NFIA: variants seen among roughly 807,000 people sequenced by gnomAD.
The protein encoded by NFIA is nuclear factor I A.
In NFIA, 8 loss-of-function variants were observed where a neutral mutation model predicts 62.8. The observed-to-expected ratio is 0.13, with a 90% CI of 0.07 to 0.23. The LOEUF is 0.23. Among genes scored for constraint, NFIA ranks in the 10% least tolerant of loss-of-function variants. The pLI, the probability that NFIA is intolerant of heterozygous loss-of-function variation, is 1.00. For synonymous variants in NFIA, 235 were observed against 238.1 expected (o/e 0.99, Z 0.12); for missense variants, 410 against 642.1 (o/e 0.64, Z 3.91).
At chr1:61,181,501 A>T (rs1322307347) in intron 2 of NFIA, among the ~76,000 whole-genome samples, 5 of 152,246 alleles carry the variant, frequency 3.3e-5, no homozygotes, top group South Asian at 4.1e-4. Flanking sequence ...AGTCTGTAAG[A>T]TGGAATTACT....
chr1:61,208,198 A>G (rs1653020999), intron 2 of NFIA, among the ~76,000 whole-genome samples: 1 of 152,104 alleles, frequency 6.6e-6, no homozygotes, highest in African/African-American at 2.4e-5. Context: ...TCCTGTTCAC[A>G]TTATGATTGA....
intron 6 of NFIA, among the ~76,000 whole-genome samples, chr1:61,378,273 C>T (rs914722148): frequency 5.9e-5 from 9 of 152,190 alleles, no homozygotes; most frequent in African/African-American, 9.6e-5. Flanking sequence ...GTCACTCAAT[C>T]TAATTTTGTT....
At chr1:61,285,329 C>T (rs1375751263) in intron 3 of NFIA, among the ~76,000 whole-genome samples, 2 of 152,086 alleles carry the variant, frequency 1.3e-5, no homozygotes, top group African/African-American at 4.8e-5. Context: ...GCTTTCCTTG[C>T]CACAAATAAT....
chr1:61,083,301 C>T (rs1305301265), intron 1 of NFIA, among the ~76,000 whole-genome samples: 1 of 152,144 alleles, frequency 6.6e-6, no homozygotes, highest in African/African-American at 2.4e-5. Context: ...CTCGGGCCGG[C>T]TGCAGTCCTC....
intron 10 of NFIA, among the ~76,000 whole-genome samples, chr1:61,437,606 A>T (rs78892631): frequency 1.3e-5 from 2 of 152,200 alleles, no homozygotes; most frequent in Admixed American, 1.3e-4. Flanking sequence ...TACATAGCTC[A>T]CAGAAAGAAA....
intron 2 of NFIA, among the ~76,000 whole-genome samples, chr1:61,151,434 T>A (rs1475774036): frequency 6.6e-6 from 1 of 151,218 alleles, no homozygotes; most frequent in Non-Finnish European, 1.5e-5. Context: ...CGATCCAATG[T>A]GCAGAGAAGG....
intron 6 of NFIA, among the ~76,000 whole-genome samples, chr1:61,377,279 G>A (rs2100474230): frequency 6.6e-6 from 1 of 152,082 alleles, no homozygotes; most frequent in South Asian, 2.1e-4. Flanking sequence ...ATAAGTACAT[G>A]GCACATAGTG....
intron 2 of NFIA, among the ~76,000 whole-genome samples, chr1:61,161,771 T>G (rs1186581316): frequency 2.0e-5 from 3 of 152,172 alleles, no homozygotes; most frequent in Non-Finnish European, 4.4e-5. Context: ...CCCTCTATAA[T>G]CCTGTATACT....
chr1:61,240,850 G>A (rs1557656426), intron 2 of NFIA, among the ~76,000 whole-genome samples: 1 of 151,996 alleles, frequency 6.6e-6, no homozygotes, highest in East Asian at 1.9e-4. Context: ...TATTGAGTTA[G>A]AAATGTTGAA....
At chr1:61,134,931 A>G (rs893455905) in intron 2 of NFIA, among the ~76,000 whole-genome samples, 9 of 152,256 alleles carry the variant, frequency 5.9e-5, no homozygotes, top group African/African-American at 9.6e-5. Context: ...AGAGAAGAAG[A>G]TAGCAACTGA....
chr1:61,263,669 G>T (rs1468116954), intron 2 of NFIA, among the ~76,000 whole-genome samples: 1 of 152,184 alleles, frequency 6.6e-6, no homozygotes, highest in South Asian at 2.1e-4. Flanking sequence ...CTCACCACCA[G>T]TGAAGACGAG....
intron 2 of NFIA, among the ~76,000 whole-genome samples, chr1:61,168,794 G>A (rs1334386500): frequency 6.6e-6 from 1 of 152,122 alleles, no homozygotes; most frequent in Admixed American, 6.5e-5. Flanking sequence ...CACAGCTTTG[G>A]TCACAGTTTT....
chr1:61,409,769 G>A (rs111811043), intron 9 of NFIA, among the ~76,000 whole-genome samples: 128 of 152,218 alleles, frequency 8.4e-4, no homozygotes, highest in African/African-American at 2.7e-3. Context: ...ATGAAGGTGC[G>A]GGTGGCAGTG....
chr1:61,429,430 T>G, intron 10 of NFIA, among the ~76,000 whole-genome samples: 1 of 152,204 alleles, frequency 6.6e-6, no homozygotes, highest in South Asian at 2.1e-4. Context: ...ACCACTGTAT[T>G]ATGTTACTGC....
At chr1:61,382,344 T>C (rs537878618) in intron 6 of NFIA, among the ~76,000 whole-genome samples, 7 of 152,316 alleles carry the variant, frequency 4.6e-5, no homozygotes, top group Non-Finnish European at 8.8e-5. Flanking sequence ...GTGAAAACTT[T>C]AGACACAATA....
chr1:61,089,501 G>A (rs900505828), intron 2 of NFIA, among the ~76,000 whole-genome samples: 1 of 151,694 alleles, frequency 6.6e-6, no homozygotes, highest in Non-Finnish European at 1.5e-5. Context: ...TGTTCCTTTC[G>A]TCTTGTTTTA....
At chr1:61,113,144 G>A (rs910818579) in intron 2 of NFIA, among the ~76,000 whole-genome samples, 3 of 151,708 alleles carry the variant, frequency 2.0e-5, no homozygotes, top group Non-Finnish European at 2.9e-5. Context: ...ATTCTATAAG[G>A]CTTATAAATC....
chr1:61,084,695 T>C (rs1252136860), intron 1 of NFIA, among the ~76,000 whole-genome samples: 1 of 152,130 alleles, frequency 6.6e-6, no homozygotes, highest in East Asian at 1.9e-4. Context: ...ACAGATACAT[T>C]AGTGTCTTCT....
Position 61,352,708 on chromosome 1 carries a change from T to C in NFIA, c.818+141T>C, listed in dbSNP as rs531154287. The C allele has an allele frequency of 4.1e-6, 3 of 727,364 alleles. No homozygotes were observed. The East Asian group carries it at 7.8e-5, about 19-fold the overall frequency. 45.1% of individuals were successfully genotyped at this position (727,364 alleles called of 1,614,324 possible). The stretch of plus-strand genomic sequence containing the variant: ...TAGTGGGTTCAGCCCCAAAAGACTG[T>C]CGGTCTCGTTGGGGAGATAAAGCAA... On this transcript the variant is annotated intron_variant, in intron 5 of 10. Transcript: ENST00000403491.
Sources: allele counts gnomAD v4.1 joint callset (sites outside exome capture counted in the v4.1 genomes callset), GRCh38; gene constraint gnomAD v4.1.1; transcripts MANE v1.5; gene names NCBI Gene and HGNC (gene_info 2026-07-23, HGNC 2026-07-21).